MSRA: variants seen among roughly 807,000 people sequenced by gnomAD.
The protein encoded by MSRA is mitochondrial peptide methionine sulfoxide reductase.
MSRA carries 54 observed loss-of-function variants against 31.3 expected under a neutral mutation model. That is an observed-to-expected ratio of 1.73 (90% confidence interval 1.39 to 2.17). MSRA has a LOEUF of 2.17. Among genes scored for constraint, MSRA ranks in the 30% most tolerant of loss-of-function variants. MSRA has a pLI of 0.00. For synonymous variants in MSRA, 169 were observed against 116.5 expected, an observed-to-expected ratio of 1.45 and a Z score of -2.90; for missense variants, 507 against 300.9, an observed-to-expected ratio of 1.69 and a Z score of -5.07.
At chr8:10,111,847 C>G (rs1048816401) in intron 1 of MSRA, among the ~76,000 whole-genome samples, 11 of 152,180 alleles carry the variant, frequency 7.2e-5, no homozygotes, top group Admixed American at 7.2e-4. Context: ...TCTCACACAA[C>G]TGCCCTGTGA....
At chr8:10,426,762 G>C (rs1197820653) in intron 5 of MSRA, among the ~76,000 whole-genome samples, 2 of 152,224 alleles carry the variant, frequency 1.3e-5, no homozygotes, top group Non-Finnish European at 2.9e-5. Flanking sequence ...CTGTTGTGAG[G>C]CTAAAATTAA....
Position 10,199,569 on chromosome 8 carries a change from G to GT in MSRA, c.143-8255dup, listed in dbSNP as rs1235024307. Among the ~76,000 whole-genome samples, 751 of 151,192 alleles carry GT rather than the reference G, an allele frequency of 5.0e-3. 5 individuals are homozygous for GT. Among genetic ancestry groups the GT allele is most frequent in the African/African-American group, 0.016 (676 of 41,320 alleles). On this transcript the variant is annotated intron_variant, in intron 1 of 5. Coordinates refer to ENST00000317173, the MANE Select transcript of MSRA (RefSeq NM_012331.5). ...TCTTGACCTCGTGATCTGCCCGCCA[G>GT]TTTTTTTTTAATGAATAAAAAGGGC... is the stretch of plus-strand genomic sequence containing the variant.
intron 1 of MSRA, among the ~76,000 whole-genome samples, chr8:10,074,634 G>T (rs764463630): frequency 3.9e-5 from 6 of 151,904 alleles, no homozygotes; most frequent in Non-Finnish European, 8.8e-5. Flanking sequence ...TGGCTTTATT[G>T]ATAATACACC....
intron 5 of MSRA, among the ~76,000 whole-genome samples, chr8:10,365,546 G>T (rs1805113251): frequency 1.3e-5 from 2 of 152,202 alleles, no homozygotes; most frequent in African/African-American, 4.8e-5. Context: ...GCATTTGATG[G>T]AGAGTTTATT....
chr8:10,337,424 C>G (rs1803123122), intron 5 of MSRA: 2 of 326,340 alleles, frequency 6.1e-6, no homozygotes, highest in Admixed American at 9.4e-5. Flanking sequence ...CGTGATCCAC[C>G]AGCCTCGGCC....
At position 10,170,473 on chromosome 8, in the gene MSRA, C is replaced by G. The variant is rs768231256; in HGVS notation, c.143-37360C>G. Among the ~76,000 whole-genome samples, 58 of 152,118 alleles carry G rather than the reference C, an allele frequency of 3.8e-4. 1 individual carries two copies. The highest frequency in any genetic ancestry group is 2.1e-4 in the Non-Finnish European group (14 of 68,024). Reference sequence around the variant, plus strand: ...GGTGCCTTGGTTTTGGACTTCCCAGCCTCCAGAATTGTGAGGAATAAATGA... The same window carrying G: ...GGTGCCTTGGTTTTGGACTTCCCAGGCTCCAGAATTGTGAGGAATAAATGA... On this transcript the variant is annotated intron_variant, in intron 1 of 5. Coordinates refer to ENST00000317173, the MANE Select transcript of MSRA (RefSeq NM_012331.5).
At chr8:10,392,173 C>G (rs1167040958) in intron 5 of MSRA, among the ~76,000 whole-genome samples, 2 of 152,178 alleles carry the variant, frequency 1.3e-5, no homozygotes, top group African/African-American at 4.8e-5. Context: ...TTGAAACCTG[C>G]TAGACTAGGT....
chr8:10,375,257 G>C (rs146027206), intron 5 of MSRA, among the ~76,000 whole-genome samples: 1 of 152,228 alleles, frequency 6.6e-6, no homozygotes, highest in African/African-American at 2.4e-5. Context: ...GAGAAACAAG[G>C]CTGGCGTCTG....
At chr8:10,236,527 A>G (rs547067164) in intron 2 of MSRA, among the ~76,000 whole-genome samples, 3 of 152,328 alleles carry the variant, frequency 2.0e-5, no homozygotes, top group African/African-American at 7.2e-5. Flanking sequence ...ACATAGAACT[A>G]TATGTAATAC....
At chr8:10,275,741 A>C (rs1799287227) in intron 3 of MSRA, among the ~76,000 whole-genome samples, 1 of 152,222 alleles carries the variant, frequency 6.6e-6, no homozygotes, top group Non-Finnish European at 1.5e-5. Context: ...GTCACTTATA[A>C]GCTGTGTGAC....
intron 4 of MSRA, among the ~76,000 whole-genome samples, chr8:10,302,266 C>G (rs1392097296): frequency 6.6e-6 from 1 of 152,196 alleles, no homozygotes; most frequent in African/African-American, 2.4e-5. Flanking sequence ...TCCATGTTGG[C>G]AAATATCATT....
chr8:10,340,123 G>GGCAGCCGCTTGAGACCACGGAGCC (rs2129149846), intron 5 of MSRA, among the ~76,000 whole-genome samples: 1 of 152,214 alleles, frequency 6.6e-6, no homozygotes, highest in African/African-American at 2.4e-5. Flanking sequence ...AAGGAGAAGA[G>GGCAGCCGCTTGAGACCACGGAGCC]GCAGCCGCTT....
chr8:10,209,035 C>T (rs1395210179), intron 2 of MSRA, among the ~76,000 whole-genome samples: 1 of 152,194 alleles, frequency 6.6e-6, no homozygotes, highest in African/African-American at 2.4e-5. Flanking sequence ...CCAGTTCCAC[C>T]TCAGTGTTGG....
chr8:10,086,009 T>A (rs1235940115), intron 1 of MSRA, among the ~76,000 whole-genome samples: 1 of 152,206 alleles, frequency 6.6e-6, no homozygotes, highest in African/African-American at 2.4e-5. Flanking sequence ...TTATGAATAA[T>A]TCTTCCATGA....
intron 2 of MSRA, among the ~76,000 whole-genome samples, chr8:10,243,321 T>A (rs908828016): frequency 6.6e-6 from 1 of 152,196 alleles, no homozygotes; most frequent in African/African-American, 2.4e-5. Context: ...TGGTCATTTA[T>A]GTGCAGTGAA....
intron 1 of MSRA, among the ~76,000 whole-genome samples, chr8:10,140,660 G>A (rs950811747): frequency 1.3e-5 from 2 of 152,020 alleles, no homozygotes; most frequent in African/African-American, 4.8e-5. Context: ...TCTGCAGCAG[G>A]GATGGAGAGA....
At chr8:10,171,172 G>GA (rs1444455306) in intron 1 of MSRA, among the ~76,000 whole-genome samples, 6 of 152,210 alleles carry the variant, frequency 3.9e-5, no homozygotes, top group Non-Finnish European at 8.8e-5. Flanking sequence ...GGTAGAGAAA[G>GA]AGAAGCTGGG....
intron 5 of MSRA, among the ~76,000 whole-genome samples, chr8:10,410,622 C>T (rs572260267): frequency 4.2e-4 from 64 of 152,300 alleles, no homozygotes; most frequent in African/African-American, 1.4e-3. Flanking sequence ...TCCTGAAGGT[C>T]ATGCTGTTTG....
chr8:10,237,026 C>G (rs1351069809), intron 2 of MSRA, among the ~76,000 whole-genome samples: 1 of 152,226 alleles, frequency 6.6e-6, no homozygotes, highest in Non-Finnish European at 1.5e-5. Context: ...CAAACACTCA[C>G]TGCGGGATTT....
Sources: gnomAD v4.1 joint callset for allele counts (sites outside exome capture counted in the v4.1 genomes callset) on GRCh38, gnomAD v4.1.1 for gene constraint, MANE v1.5 for transcripts, NCBI Gene and HGNC (gene_info 2026-07-23, HGNC 2026-07-21) for gene names.